Variants in DDX51 observed in about 807,000 individuals in gnomAD.
DDX51 encodes the protein DEAD-box helicase 51, also known as ATP-dependent RNA helicase DDX51.
In DDX51, 67 loss-of-function variants were observed where a neutral mutation model predicts 74.6. The observed-to-expected ratio is 0.90, with a 90% CI of 0.74 to 1.10. The LOEUF (loss-of-function observed/expected upper bound fraction) is 1.10. Ranked by LOEUF, DDX51 falls within the 50% of genes least tolerant of loss-of-function variation. DDX51 has a pLI of 0.00. For synonymous variants in DDX51, 545 were observed against 402.9 expected (o/e 1.35, Z -4.22); for missense variants, 1,056 against 905.2 (o/e 1.17, Z -2.14).
intron 2 of DDX51, 76 bp from the exon 3 acceptor site, chr12:132,142,954 AGGGGAG>A: frequency 6.3e-7 from 1 of 1,594,442 alleles, no homozygotes; most frequent in East Asian, 2.2e-5. Context: ...GGAAAAAGCT[AGGGGAG>A]GGAGGCTGGG....
In DDX51 at chr12:132,139,222, G is replaced by T; in HGVS notation, c.*50C>A. The T allele has an allele frequency of 6.3e-7, 1 of 1,595,758 alleles. No homozygotes were observed. ...CCAGTGATCAGCACTGCTCTGGAAG[G>T]AGGGTCAGGGTGGTGAGCGTTCAGT... On this transcript the variant is annotated 3_prime_UTR_variant, in exon 15 of 15. Transcript: ENST00000397333.
rs1897374485 is a variant in DDX51 at position 132,139,748 on chromosome 12, G to A, written c.1861C>T (p.Leu621=). 6.2e-7 allele frequency: 1 copy of A among 1,613,050 alleles called. No homozygotes were observed. Among genetic ancestry groups the A allele is most frequent in the African/African-American group, 1.3e-5 (1 of 74,922 alleles). ...KVQERRFLRM[L]TEAGAPELQR... ...AACTCAGGTGCCCCAGCTTCAGTTA[G>A]CATTCGGAGGAATCTCCTCTCCTGG... The change falls in exon 14 of 15, where the codon CTA becomes TTA. Residue 621 remains leucine, a synonymous_variant. Transcript: ENST00000397333.
intron 14 of DDX51, 124 bp downstream of exon 14, chr12:132,139,511 C>T (rs1565952678): frequency 6.3e-7 from 1 of 1,586,384 alleles, no homozygotes; most frequent in Admixed American, 1.7e-5. Context: ...CGAGGACAAC[C>T]TGTGTGACCC....
chr12:132,142,015 A>T (rs1897485237), intron 5 of DDX51, 59 bp from the exon 6 acceptor site: 2 of 1,609,148 alleles, frequency 1.2e-6, no homozygotes, highest in African/African-American at 1.3e-5. Flanking sequence ...CTGCAGCAAA[A>T]AGGACCCCAG....
chr12:132,143,540 G>A (rs1017003563), intron 2 of DDX51, 155 bp downstream of exon 2: 7 of 993,160 alleles, frequency 7.0e-6, no homozygotes, highest in Non-Finnish European at 1.0e-5. Context: ...GCAGGATCCA[G>A]ACCCCTAGGC....
At chr12:132,142,037 GT>G in intron 5 of DDX51, 81 bp from the exon 6 acceptor site, 1 of 1,606,068 alleles carries the variant, frequency 6.2e-7, no homozygotes, top group Non-Finnish European at 8.5e-7. Context: ...TCTAATCTGG[GT>G]CCCCCAGGGG....
intron 11 of DDX51, 71 bp from the exon 12 acceptor site, chr12:132,140,270 G>C: frequency 1.3e-6 from 2 of 1,576,578 alleles, no homozygotes; most frequent in South Asian, 2.3e-5. Flanking sequence ...GGCCCTGCGG[G>C]GGGCAGCTCA....
rs1897610538 is a variant in DDX51, at chr12:132,144,261, G to C, written c.36C>G (p.Pro12=). The change falls in exon 1 of 15, where the codon CCC becomes CCG. Residue 12 remains proline, a synonymous_variant. Transcript: ENST00000397333. The stretch of plus-strand genomic sequence containing the variant: ...CCGGCCCCGCCGCAGCTGCCGCATC[G>C]GGGCCCGGGTACCGCGCGACGTAGA... ...ALFYVARYPG[P]DAAAAAGPEG... is the part of the protein sequence containing the mutation. 8.1e-7 allele frequency: 1 copy of C among 1,240,218 alleles called. No individual in the cohort carries two copies. Among genetic ancestry groups the C allele is most frequent in the East Asian group, 3.2e-5 (1 of 31,430 alleles). The allele number at this position is 1,240,218 out of a possible 1,614,324, so 76.8% of individuals were successfully genotyped here. A position where few individuals can be genotyped will look rare whatever the true frequency, so the allele number is the denominator to read the frequency against.
intron 3 of DDX51, 49 bp downstream of exon 3, chr12:132,142,679 G>C (rs1233444090): frequency 6.2e-7 from 1 of 1,602,520 alleles, no homozygotes; most frequent in East Asian, 2.2e-5. Context: ...CCTTGTGTGT[G>C]GGTGCCCAGG....
Position 132,143,708 on chromosome 12 carries a change from C to T in DDX51, c.506G>A (p.Arg169Lys), listed in dbSNP as rs778206531. 36 of 1,541,048 alleles carry T rather than the reference C, an allele frequency of 2.3e-5. No individual in the cohort carries two copies. The Middle Eastern group carries it at 5.0e-4, about 22-fold the overall frequency. ...PGLVLGGFGK[R>K]KAPKVQPFLP... ...GCCGAGGCTCACCTTCGGCGCCTTC[C>T]TCTTCCCGAACCCCCCCAGCACCAG... The change falls in exon 2 of 15, where the codon AGG becomes AAG. Residue 169 changes from arginine to lysine, a missense_variant. Transcript: ENST00000397333.
At chr12:132,139,600 C>G (rs369499606) in intron 14 of DDX51, 35 bp downstream of exon 14, 2 of 1,612,922 alleles carry the variant, frequency 1.2e-6, no homozygotes, top group African/African-American at 1.3e-5. Context: ...AACGCCCTCC[C>G]CAGAGGGTTT....
At chr12:132,140,307 G>A (rs368789243) in intron 11 of DDX51, 108 bp from the exon 12 acceptor site, 4 of 1,559,586 alleles carry the variant, frequency 2.6e-6, no homozygotes, top group Middle Eastern at 3.7e-4. Flanking sequence ...GGCTGCCATG[G>A]GGCTGGGGCA....
At chr12:132,141,238 T>C in intron 8 of DDX51, 37 bp downstream of exon 8, 2 of 1,564,078 alleles carry the variant, frequency 1.3e-6, no homozygotes, top group Non-Finnish European at 8.6e-7. Flanking sequence ...AGGACTCTGC[T>C]CAGGGGAGGC....
rs148337712 is a variant in DDX51, at chr12:132,140,086, G to A, written c.1775+12C>T. 1.5e-3 allele frequency: 2,351 copies of A among 1,611,742 alleles called. 47 individuals carry two copies. The East Asian group carries it at 0.047, about 32-fold the overall frequency. On this transcript the variant is annotated intron_variant, in intron 12 of 14. Transcript: ENST00000397333. ...CCCCAGACCCCCCAGTGGCCGCTGC[G>A]CCAGCGCTCACCGGTGCACGTAGGT...
intron 6 of DDX51, 117 bp downstream of exon 6, chr12:132,141,733 C>A (rs1013055473): frequency 7.8e-5 from 114 of 1,459,234 alleles, no homozygotes; most frequent in Non-Finnish European, 1.0e-4. Flanking sequence ...AGCTCCTCCT[C>A]TTCACGGGAA....
Position 132,139,863 on chromosome 12 carries a change from G to A in DDX51, c.1837C>T (p.Gln613Ter). Residue 613 changes from glutamine (Q) to a stop codon, truncating the protein, a stop_gained and splice_region_variant, in exon 13 of 15, where the codon CAG becomes TAG. Transcript: ENST00000397333. LOFTEE classifies it high-confidence loss of function. ...TCCCAAGACCCTCGCAGCCTCACCT[G>A]CACTTTCAGGAGCAGTGTGAAGGCC... ...GQAFTLLLKV[Q>*]ERRFLRMLTE... The A allele has an allele frequency of 1.2e-6, 2 of 1,613,200 alleles. No individual in the cohort carries two copies. Among genetic ancestry groups the A allele is most frequent in the Non-Finnish European group, 1.7e-6 (2 of 1,180,002 alleles).
At chr12:132,140,024 A>G (rs1165147433) in intron 12 of DDX51, 74 bp downstream of exon 12, 25 of 1,605,902 alleles carry the variant, frequency 1.6e-5, no homozygotes, top group Middle Eastern at 3.3e-4. Flanking sequence ...CACGCCAGTC[A>G]AGACGGTCCC....
Position 132,140,877 on chromosome 12 carries a change from T to G in DDX51, c.1394A>C (p.Asp465Ala), listed in dbSNP as rs1177024060. 6.2e-7 allele frequency: 1 copy of G among 1,613,574 alleles called. No homozygotes were observed. Among genetic ancestry groups the G allele is most frequent in the South Asian group, 1.1e-5 (1 of 91,080 alleles). The change falls in exon 9 of 15, where the codon GAT becomes GCT. Residue 465 changes from aspartate (D) to alanine (A), a missense_variant. Coordinates refer to ENST00000397333, the MANE Select transcript of DDX51 (RefSeq NM_175066.4). Reference sequence around the variant, plus strand: ...ATACTTCCCCGAATCCCCGTCCCCATCTGTATCTTCCAGGCCCCTGTGTGC... The same window carrying G: ...ATACTTCCCCGAATCCCCGTCCCCAGCTGTATCTTCCAGGCCCCTGTGTGC... The part of the protein sequence containing the change: ...GLAHRGLEDT[D>A]GDGDSGKYAF...
chr12:132,143,804 G>C lies in DDX51; in HGVS notation c.410C>G (p.Thr137Ser), dbSNP rs1156276728. 6.6e-7 allele frequency: 1 copy of C among 1,525,928 alleles called. No homozygotes were observed. The highest frequency in any genetic ancestry group is 1.4e-5 in the African/African-American group (1 of 70,810). 94.5% of individuals were successfully genotyped at this position (1,525,928 alleles called of 1,614,324 possible). A position where few individuals can be genotyped will look rare whatever the true frequency, so the allele number is the denominator to read the frequency against. ...SSEEAPGERSTSASAEAAPDG... is the reference protein window; with the variant it reads ...SSEEAPGERSSSASAEAAPDG... The stretch of plus-strand genomic sequence containing the variant: ...TGGGGCCGCCTCGGCGCTGGCGCTG[G>C]TGCTGCGCTCCCCCGGCGCCTCCTC... The change falls in exon 2 of 15, where the codon ACC becomes AGC. Residue 137 changes from threonine to serine, a missense_variant. By Grantham distance (58) the Thr-to-Ser change is moderately conservative. Transcript: ENST00000397333.
Sources: allele counts gnomAD v4.1 joint callset, GRCh38; gene constraint gnomAD v4.1.1; transcripts MANE v1.5; gene names NCBI Gene and HGNC (gene_info 2026-07-23, HGNC 2026-07-21).